TIAM1: variants seen among roughly 807,000 people sequenced by gnomAD.
TIAM1 encodes rho guanine nucleotide exchange factor TIAM1.
TIAM1 carries 65 observed loss-of-function variants against 163.5 expected under a neutral mutation model. The ratio of observed to expected loss-of-function variants is 0.40; its 90% CI spans 0.33 to 0.49. The LOEUF (loss-of-function observed/expected upper bound fraction) is 0.49, where lower values mean the gene tolerates loss of function less well. Ranked by LOEUF, TIAM1 falls within the 20% of genes least tolerant of loss-of-function variation. The pLI, the probability that TIAM1 is intolerant of heterozygous loss-of-function variation, is 0.77. For missense variants in TIAM1, 1,789 were observed against 2,044.7 expected (o/e 0.87, Z 2.41); for synonymous variants, 833 against 810.1 (o/e 1.03, Z -0.48).
chr21:31,345,136 C>CG (rs1324438456), upstream of TIAM1, among the ~76,000 whole-genome samples: 2 of 152,068 alleles, frequency 1.3e-5, no homozygotes, highest in Admixed American at 6.6e-5. Flanking sequence ...AAGAAGAAAA[C>CG]GGTAAATCTG....
intron 4 of TIAM1, among the ~76,000 whole-genome samples, chr21:31,262,730 C>G (rs1392311669): frequency 6.6e-6 from 1 of 152,150 alleles, no homozygotes; most frequent in Non-Finnish European, 1.5e-5. Context: ...TGAAGTTGTT[C>G]ACATTATTTC....
In TIAM1 at chr21:31,154,296, A is replaced by G. The variant is rs1459722366; in HGVS notation, c.3122T>C (p.Leu1041Pro). 1 of 1,614,094 alleles carries G rather than the reference A, an allele frequency of 6.2e-7. No homozygotes were observed. Among genetic ancestry groups the G allele is most frequent in the South Asian group, 1.1e-5 (1 of 91,072 alleles). Reference sequence around the variant, plus strand: ...CAGGAGCTCGCAGATCACCTTGCGCAGCTTATCTGCATCCGAGAGTTGTCT... The same window carrying G: ...CAGGAGCTCGCAGATCACCTTGCGCGGCTTATCTGCATCCGAGAGTTGTCT... ...TMRQLSDADKLRKVICELLET... is the reference protein window; with the variant it reads ...TMRQLSDADKPRKVICELLET... The change falls in exon 17 of 28, where the codon CTG (leucine) becomes CCG (proline). Residue 1041 changes from leucine (L) to proline (P), a missense_variant. By Grantham distance (98) the Leu-to-Pro change is moderately conservative (BLOSUM62 -3). Coordinates refer to ENST00000541036, the MANE Select transcript of TIAM1 (RefSeq NM_001353694.2).
intron 2 of TIAM1, among the ~76,000 whole-genome samples, chr21:31,461,602 T>A (rs1234277895): frequency 6.6e-6 from 1 of 152,204 alleles, no homozygotes; most frequent in Non-Finnish European, 1.5e-5. Context: ...TGAATTACAT[T>A]TCAAATATAA....
intron 1 of TIAM1, among the ~76,000 whole-genome samples, chr21:31,545,574 G>A (rs543657864): frequency 7.9e-5 from 12 of 152,288 alleles, no homozygotes; most frequent in African/African-American, 2.9e-4. Context: ...GATTGGGACT[G>A]TGGATATAAG....
intron 2 of TIAM1, among the ~76,000 whole-genome samples, chr21:31,371,500 G>C (rs959479179): frequency 6.6e-6 from 1 of 152,220 alleles, no homozygotes; most frequent in South Asian, 2.1e-4. Context: ...ACACATGCCA[G>C]AGTTACTGGA....
intron 2 of TIAM1, among the ~76,000 whole-genome samples, chr21:31,362,114 T>C (rs1459423476): frequency 5.3e-5 from 8 of 152,092 alleles, no homozygotes; most frequent in Non-Finnish European, 8.8e-5. Context: ...GAGGTATGAT[T>C]GTGCCACTGT....
At chr21:31,512,654 G>A (rs903823027) in intron 1 of TIAM1, among the ~76,000 whole-genome samples, 3 of 119,022 alleles carry the variant, frequency 2.5e-5, no homozygotes, top group African/African-American at 1.0e-4. Context: ...GTCTCACTCT[G>A]TCACCCAGAC....
chr21:31,469,813 C>G (rs1249239852), intron 1 of TIAM1, among the ~76,000 whole-genome samples: 6 of 148,792 alleles, frequency 4.0e-5, no homozygotes, highest in African/African-American at 7.5e-5. Flanking sequence ...GCCTGGGTGA[C>G]AGAGCGAGAC....
intron 17 of TIAM1, among the ~76,000 whole-genome samples, chr21:31,153,655 T>G (rs376722755): frequency 2.0e-4 from 31 of 152,274 alleles, no homozygotes; most frequent in African/African-American, 7.5e-4. Flanking sequence ...ATGAAGATCA[T>G]ACCCTCAACT....
intron 2 of TIAM1, among the ~76,000 whole-genome samples, chr21:31,356,005 C>T (rs571208174): frequency 6.6e-6 from 1 of 152,126 alleles, no homozygotes. Flanking sequence ...GGGCTTCATA[C>T]GTGGTAGACT....
chr21:31,423,035 C>G (rs1389959641), intron 2 of TIAM1, among the ~76,000 whole-genome samples: 2 of 147,828 alleles, frequency 1.4e-5, no homozygotes, highest in Non-Finnish European at 3.0e-5. Flanking sequence ...TTAAAAGTCA[C>G]TTAATACACA....
chr21:31,136,625 A>G (rs2082632458), intron 22 of TIAM1, among the ~76,000 whole-genome samples: 1 of 152,240 alleles, frequency 6.6e-6, no homozygotes, highest in African/African-American at 2.4e-5. Context: ...ATGCTTGTCT[A>G]CTAGAATTTC....
rs554412236 is a variant in TIAM1 at position 31,379,673 on chromosome 21, A to G, written c.-368-40251T>C. On this transcript the variant is annotated intron_variant, in intron 2 of 28. Transcript: ENST00000286827. ...TAAATAAAATATGGTACAGCCATAC[A>G]ATAGAGTATTACACAGCAATAAAAA... Among the ~76,000 whole-genome samples, 139 of 152,356 alleles carry G rather than the reference A, an allele frequency of 9.1e-4. 1 individual carries two copies. Among genetic ancestry groups the G allele is most frequent in the African/African-American group, 3.2e-3 (134 of 41,586 alleles).
At chr21:31,439,588 A>G (rs1475041106) in intron 2 of TIAM1, among the ~76,000 whole-genome samples, 2 of 152,148 alleles carry the variant, frequency 1.3e-5, no homozygotes, top group African/African-American at 4.8e-5. Flanking sequence ...CCACACCCAT[A>G]CAGTATTGTA....
At chr21:31,459,460 C>A (rs369856899) in intron 2 of TIAM1, among the ~76,000 whole-genome samples, 7 of 152,092 alleles carry the variant, frequency 4.6e-5, no homozygotes, top group East Asian at 3.9e-4. Context: ...AAAATCAAAA[C>A]CACCCAAAAA....
intron 2 of TIAM1, among the ~76,000 whole-genome samples, chr21:31,361,328 C>T (rs2076403120): frequency 6.6e-6 from 1 of 152,106 alleles, no homozygotes; most frequent in African/African-American, 2.4e-5. Context: ...AATCTACACT[C>T]AAGCACTAAA....
chr21:31,300,824 A>G (rs2074468405), intron 2 of TIAM1, among the ~76,000 whole-genome samples: 1 of 152,252 alleles, frequency 6.6e-6, no homozygotes, highest in Non-Finnish European at 1.5e-5. Context: ...CACAAAGCAA[A>G]TCAGAGTTAC....
intron 1 of TIAM1, among the ~76,000 whole-genome samples, chr21:31,529,381 T>C (rs964072499): frequency 2.0e-5 from 3 of 152,096 alleles, no homozygotes; most frequent in African/African-American, 7.2e-5. Flanking sequence ...AATGTAATTA[T>C]GGGTTGTTAC....
chr21:31,430,075 C>T lies in TIAM1; in HGVS notation c.-369+33908G>A, dbSNP rs568790506. On this transcript the variant is annotated intron_variant, in intron 2 of 28. Coordinates refer to the TIAM1 transcript ENST00000286827. ...ACAAAAAATTAGCCAGGCGTGTTGG[C>T]GGGTACCTGTAATCCGGCTACTCCG... 2.9e-4 allele frequency among the ~76,000 whole-genome samples: 44 copies of T among 151,716 alleles called. 1 individual carries two copies. In the South Asian group the frequency reaches 5.6e-3, roughly 19 times the overall value.
Sources: gnomAD v4.1 joint callset for allele counts (sites outside exome capture counted in the v4.1 genomes callset) on GRCh38, gnomAD v4.1.1 for gene constraint, MANE v1.5 for transcripts, NCBI Gene and HGNC (gene_info 2026-07-23, HGNC 2026-07-21) for gene names.